The following HTR2C variants were observed in gnomAD, a reference collection of about 807,000 sequenced individuals.
HTR2C encodes the protein 5-hydroxytryptamine (serotonin) receptor 2C, G protein-coupled.
A neutral mutation model predicts 21.0 loss-of-function variants in HTR2C; 5 were observed. That is an observed-to-expected ratio of 0.24 (90% confidence interval 0.12 to 0.50). The LOEUF (loss-of-function observed/expected upper bound fraction) is 0.50, where lower values mean the gene tolerates loss of function less well. HTR2C is among the 20% of genes least tolerant of loss of function. HTR2C has a pLI of 0.98. For missense variants in HTR2C, 271 were observed against 371.2 expected (o/e 0.73, Z 2.22); for synonymous variants, 150 against 145.3 (o/e 1.03, Z -0.23).
At position 114,907,441 on chromosome X, in the gene HTR2C, C is replaced by A; in HGVS notation, c.*26C>A. On this transcript the variant is annotated 3_prime_UTR_variant, in exon 6 of 6. Coordinates refer to ENST00000276198, the MANE Select transcript of HTR2C (RefSeq NM_000868.4). ...GAAAGAACAGCACAGTCTTTTCCTA[C>A]GGTACAAGCTACATATGTAGGAAAA... 1 of 1,088,377 alleles carries A rather than the reference C, an allele frequency of 9.2e-7. No individual in the cohort carries two copies. The allele number at this position is 1,088,377 out of a possible 1,213,427, so 89.7% of individuals were successfully genotyped here. A position where few individuals can be genotyped will look rare whatever the true frequency, so the allele number is the denominator to read the frequency against.
chrX:114,651,968 T>C (rs1930593383), intron 2 of HTR2C, among the ~76,000 whole-genome samples: 1 of 111,652 alleles, frequency 9.0e-6, no homozygotes, highest in Non-Finnish European at 1.9e-5. Context: ...TGATGACACA[T>C]CAGATGCTAT....
chrX:114,593,596 T>C (rs145316410), intron 1 of HTR2C, among the ~76,000 whole-genome samples: 2,290 of 111,572 alleles, frequency 0.021, 61 homozygotes, highest in African/African-American at 0.071. Context: ...TCATTACATA[T>C]TGTGGCTTCT....
intron 2 of HTR2C, among the ~76,000 whole-genome samples, chrX:114,694,361 T>C (rs1488832734): frequency 1.9e-5 from 2 of 107,723 alleles, no homozygotes; most frequent in Non-Finnish European, 3.8e-5. Flanking sequence ...CCAAAATACA[T>C]TCCATCTACT....
intron 4 of HTR2C, among the ~76,000 whole-genome samples, chrX:114,744,586 G>T (rs1029225399): frequency 9.2e-6 from 1 of 108,604 alleles, no homozygotes; most frequent in African/African-American, 3.4e-5. Flanking sequence ...CCGAGTAGCC[G>T]GGACTACAGG....
At chrX:114,717,984 G>A (rs1297583699) in intron 2 of HTR2C, among the ~76,000 whole-genome samples, 2 of 111,143 alleles carry the variant, frequency 1.8e-5, no homozygotes, top group African/African-American at 6.5e-5. Flanking sequence ...AGCCTTGTTC[G>A]TGCCAGCCTT....
chrX:114,764,972 C>T (rs2069932158), intron 4 of HTR2C, among the ~76,000 whole-genome samples: 1 of 103,717 alleles, frequency 9.6e-6, no homozygotes, highest in Non-Finnish European at 2.0e-5. Context: ...TCCTTCCTTT[C>T]TTCCTTCCCT....
chrX:114,892,157 T>C (rs781811174), intron 5 of HTR2C, among the ~76,000 whole-genome samples: 2 of 112,154 alleles, frequency 1.8e-5, no homozygotes, highest in Admixed American at 9.5e-5. Context: ...AAAGTCCTTA[T>C]CAGCTTTTCG....
rs782655839 is a variant in HTR2C at position 114,754,679 on chromosome X, GA to G, written c.349+23082del. On this transcript the variant is annotated intron_variant, in intron 4 of 5. Transcript: ENST00000276198. ...ACAATGTAAAACTATAAAACTTTTA[GA>G]AAAAAAAAACACAAAATTTTCAGAA... Among the ~76,000 whole-genome samples, 614 of 103,562 alleles carry G rather than the reference GA, an allele frequency of 5.9e-3. 3 individuals are homozygous for G. The highest frequency in any genetic ancestry group is 0.02 in the African/African-American group (580 of 28,591). The allele number at this position is 103,562 out of a possible 115,157, so 89.9% of individuals were successfully genotyped here. A position where few individuals can be genotyped will look rare whatever the true frequency, so the allele number is the denominator to read the frequency against.
chrX:114,754,501 T>A (rs1337383243), intron 4 of HTR2C, among the ~76,000 whole-genome samples: 2 of 111,572 alleles, frequency 1.8e-5, no homozygotes, highest in Non-Finnish European at 3.8e-5. Flanking sequence ...CCCACATAAA[T>A]ATGTCCAATT....
intron 2 of HTR2C, among the ~76,000 whole-genome samples, chrX:114,636,294 T>C (rs1929842073): frequency 9.0e-6 from 1 of 110,842 alleles, no homozygotes; most frequent in East Asian, 2.8e-4. Context: ...ACAGGCCCAC[T>C]TCCCAGTGCA....
Position 114,805,223 on chromosome X carries a change from C to G in HTR2C, c.350-42780C>G, listed in dbSNP as rs782125897. Reference sequence around the variant, plus strand: ...TAGCCATTTTTTCTTGCCCTTTTTGCTTTTGTTTCTGCGTGCCTGATTCTC... The same window carrying G: ...TAGCCATTTTTTCTTGCCCTTTTTGGTTTTGTTTCTGCGTGCCTGATTCTC... On this transcript the variant is annotated intron_variant, in intron 4 of 5. Transcript: ENST00000276198. 7.3e-5 allele frequency among the ~76,000 whole-genome samples: 8 copies of G among 110,028 alleles called. No homozygotes were observed. The South Asian group carries it at 3.1e-3, about 42-fold the overall frequency.
intron 3 of HTR2C, among the ~76,000 whole-genome samples, chrX:114,730,744 C>T (rs1376396488): frequency 9.0e-6 from 1 of 111,545 alleles, no homozygotes; most frequent in East Asian, 2.8e-4. Context: ...GAAAATCCCC[C>T]TTCATTCTGT....
At chrX:114,626,388 CAAAAA>C (rs59357830) in intron 2 of HTR2C, among the ~76,000 whole-genome samples, 1 of 78,466 alleles carries the variant, frequency 1.3e-5, no homozygotes, top group African/African-American at 4.6e-5. Flanking sequence ...GACCCTGTCA[CAAAAA>C]AAAAAAAAGA....
chrX:114,698,741 T>C (rs1434073357), intron 2 of HTR2C, among the ~76,000 whole-genome samples: 1 of 112,148 alleles, frequency 8.9e-6, no homozygotes, highest in African/African-American at 3.2e-5. Flanking sequence ...AGATAACATC[T>C]GAAGTGAGTT....
rs782431039 is a variant in HTR2C, at chrX:114,627,685, GCA to G, written c.-80+13807_-80+13808del. ...CTGTCATTATCTCTTTCATATCATT[GCA>G]CAGTCTCCTTTTTATGCCCCATGCA... is the stretch of plus-strand genomic sequence containing the variant. On this transcript the variant is annotated intron_variant, in intron 2 of 5. Transcript: ENST00000276198. Among the ~76,000 whole-genome samples the G allele has an allele frequency of 9.8e-5, 11 of 111,863 alleles. No homozygotes were observed. The East Asian group carries it at 3.1e-3, about 32-fold the overall frequency.
Position 114,757,601 on chromosome X carries a change from A to C in HTR2C, c.349+25994A>C, listed in dbSNP as rs782320153. 7.2e-5 allele frequency among the ~76,000 whole-genome samples: 8 copies of C among 111,768 alleles called. No homozygotes were observed. The South Asian group carries it at 3.0e-3, about 42-fold the overall frequency. ...GAACTCAACTTGAAATTCTATAGTG[A>C]TAGTGCTCCAAAAAGCCACCCAATA... is the stretch of plus-strand genomic sequence containing the variant. On this transcript the variant is annotated intron_variant, in intron 4 of 5. Transcript: ENST00000276198.
intron 2 of HTR2C, among the ~76,000 whole-genome samples, chrX:114,680,283 C>T (rs782272970): frequency 8.0e-5 from 9 of 111,903 alleles, no homozygotes; most frequent in Non-Finnish European, 1.5e-4. Flanking sequence ...TAATGTATAC[C>T]ATAGAGAAGG....
rs1432482580 is a variant in HTR2C, at chrX:114,762,001, C to T, written c.349+30394C>T. ...TACGTGTATATATACTATATATACA[C>T]ATATATATAGTATATATACTATTTG... On this transcript the variant is annotated intron_variant, in intron 4 of 5. Coordinates refer to ENST00000276198, the MANE Select transcript of HTR2C (RefSeq NM_000868.4). Among the ~76,000 whole-genome samples the T allele has an allele frequency of 4.6e-3, 27 of 5,857 alleles. 8 individuals carry two copies. Among genetic ancestry groups the T allele is most frequent in the Non-Finnish European group, 7.7e-3 (22 of 2,850 alleles). 5.1% of individuals were successfully genotyped at this position (5,857 alleles called of 115,157 possible).
At chrX:114,661,350 C>A (rs1218391956) in intron 2 of HTR2C, among the ~76,000 whole-genome samples, 2 of 108,064 alleles carry the variant, frequency 1.9e-5, no homozygotes, top group South Asian at 4.0e-4. Context: ...GCTGAGGCCA[C>A]GTAAATACAC....
Sources: gnomAD v4.1 joint callset for allele counts (sites outside exome capture counted in the v4.1 genomes callset) on GRCh38, gnomAD v4.1.1 for gene constraint, MANE v1.5 for transcripts, NCBI Gene and HGNC (gene_info 2026-07-23, HGNC 2026-07-21) for gene names.